The following CSTF3 variants were observed in gnomAD, a reference collection of about 807,000 sequenced individuals.
CSTF3 encodes CF-1 77 kDa subunit.
Under a neutral mutation model 105.8 loss-of-function variants are expected in CSTF3, and 29 were observed. The observed-to-expected ratio is 0.27, with a 90% CI of 0.20 to 0.37. CSTF3 has a LOEUF of 0.37. Ranked by LOEUF, CSTF3 falls within the 10% of genes least tolerant of loss-of-function variation. The pLI, the probability that CSTF3 is intolerant of heterozygous loss-of-function variation, is 1.00. For synonymous variants in CSTF3, 252 were observed against 281.9 expected, an observed-to-expected ratio of 0.89 and a Z score of 1.06; for missense variants, 357 against 879.3, an observed-to-expected ratio of 0.41 and a Z score of 7.51.
chr11:33,160,596 CAA>C (rs747821438), intron 1 of CSTF3, among the ~76,000 whole-genome samples: 1 of 152,108 alleles, frequency 6.6e-6, no homozygotes. Context: ...GCAAAAGAAA[CAA>C]ATCACACTGA....
chr11:33,096,466 GA>G, intron 14 of CSTF3, 58 bp from the exon 15 acceptor site: 1 of 1,050,874 alleles, frequency 9.5e-7, no homozygotes, highest in Non-Finnish European at 1.4e-6. Flanking sequence ...AAAAACACTT[GA>G]AAGAATATTA....
At chr11:33,122,095 A>C (rs1855495256) in intron 3 of CSTF3, among the ~76,000 whole-genome samples, 2 of 152,226 alleles carry the variant, frequency 1.3e-5, no homozygotes, top group Admixed American at 1.3e-4. Flanking sequence ...AACAAGATAT[A>C]AAATAATCTA....
At chr11:33,139,230 A>C (rs1033080229) in intron 3 of CSTF3, among the ~76,000 whole-genome samples, 71 of 151,966 alleles carry the variant, frequency 4.7e-4, no homozygotes, top group Non-Finnish European at 2.4e-4. Flanking sequence ...TCCGTTACTA[A>C]AGATGTATGT....
At chr11:33,127,078 CAAA>C (rs1302248678) in intron 3 of CSTF3, among the ~76,000 whole-genome samples, 1 of 152,098 alleles carries the variant, frequency 6.6e-6, no homozygotes, top group Non-Finnish European at 1.5e-5. Context: ...CTAATGTAGA[CAAA>C]AGCCCTAAGG....
intron 14 of CSTF3, 42 bp from the exon 15 acceptor site, chr11:33,096,450 C>T (rs757592003): frequency 8.0e-7 from 1 of 1,257,562 alleles, no homozygotes; most frequent in South Asian, 1.3e-5. Flanking sequence ...CATGAAATGT[C>T]AGATAAAAAA....
chr11:33,108,186 G>A (rs1855344906), intron 4 of CSTF3, among the ~76,000 whole-genome samples, 186 bp from the exon 5 acceptor site: 2 of 152,040 alleles, frequency 1.3e-5, no homozygotes, highest in Non-Finnish European at 2.9e-5. Flanking sequence ...TGTCAGGGGA[G>A]TATAATTATT....
intron 10 of CSTF3, among the ~76,000 whole-genome samples, chr11:33,100,527 T>C (rs747127243): frequency 1.3e-5 from 2 of 152,064 alleles, no homozygotes; most frequent in Non-Finnish European, 2.9e-5. Flanking sequence ...ACCAACTATA[T>C]GCCAGGGAAT....
rs1220976817 is a variant in CSTF3, at chr11:33,084,937, G to C, written c.*150C>G. ...TTCTAAAATTCACACAGGTTGGTTTGTTTTTTCTCAAGAACCATGTGATAG... is the reference window on the plus strand; with the variant it reads ...TTCTAAAATTCACACAGGTTGGTTTCTTTTTTCTCAAGAACCATGTGATAG... On this transcript the variant is annotated 3_prime_UTR_variant, in exon 21 of 21. Transcript: ENST00000323959. The C allele has an allele frequency of 2.0e-5, 17 of 845,554 alleles. No homozygotes were observed. Among genetic ancestry groups the C allele is most frequent in the Non-Finnish European group, 3.2e-5 (17 of 533,150 alleles). The allele number at this position is 845,554 out of a possible 1,614,324, so 52.4% of individuals were successfully genotyped here.
rs138547267 is a variant in CSTF3, at chr11:33,105,024, C to T, written c.585+543G>A. Among the ~76,000 whole-genome samples, 77 of 152,334 alleles carry T rather than the reference C, an allele frequency of 5.1e-4. No individual in the cohort carries two copies. The South Asian group carries it at 8.1e-3, about 16-fold the overall frequency. On this transcript the variant is annotated intron_variant, in intron 8 of 20. Coordinates refer to ENST00000323959, the MANE Select transcript of CSTF3 (RefSeq NM_001326.3). ...TCGGCCTCCCAAAGTGCTGGGATTA[C>T]AAGTGTAAGCCACCATGCCCAGCCA...
intron 19 of CSTF3, 41 bp from the exon 20 acceptor site, chr11:33,085,814 CAAGTTA>C (rs764273677): frequency 6.3e-7 from 1 of 1,598,286 alleles, no homozygotes; most frequent in Non-Finnish European, 8.6e-7. Context: ...AGTAATCTGA[CAAGTTA>C]AAGTAGTAGT....
chr11:33,096,765 A>G, intron 14 of CSTF3, 70 bp downstream of exon 14: 1 of 1,444,306 alleles, frequency 6.9e-7, no homozygotes, highest in Non-Finnish European at 9.4e-7. Flanking sequence ...AGAAGCTAAA[A>G]TCACCTTTCT....
At chr11:33,121,474 T>C (rs1272166265) in intron 3 of CSTF3, among the ~76,000 whole-genome samples, 1 of 152,196 alleles carries the variant, frequency 6.6e-6, no homozygotes, top group African/African-American at 2.4e-5. Context: ...TTCTCTGGAA[T>C]CTTATTTTAT....
In CSTF3 at chr11:33,105,613, ATCGGATTAACACAACCTCGTTGATAAAC is replaced by A; in HGVS notation, c.511_538del (p.Val171Ter). On this transcript the variant is annotated frameshift_variant, in exon 8 of 21. Transcript: ENST00000323959. LOFTEE classifies it high-confidence loss of function. ...TCTCCAGAGCTGTTCAATGTTGATC[ATCGGATTAACACAACCTCGTTGATAAAC>A]TCTTCGGACAGCTGTTATTCTTTGA... The A allele has an allele frequency of 6.2e-7, 1 of 1,613,116 alleles. No homozygotes were observed. Among genetic ancestry groups the A allele is most frequent in the Non-Finnish European group, 8.5e-7 (1 of 1,179,154 alleles).
intron 8 of CSTF3, among the ~76,000 whole-genome samples, chr11:33,105,364 A>G (rs186456111): frequency 8.9e-4 from 136 of 152,358 alleles, no homozygotes; most frequent in African/African-American, 3.1e-3. Context: ...TAGTTTTATA[A>G]GAACTATTGT....
chr11:33,140,713 G>C (rs1228600056), intron 3 of CSTF3, among the ~76,000 whole-genome samples: 1 of 152,066 alleles, frequency 6.6e-6, no homozygotes, highest in Non-Finnish European at 1.5e-5. Flanking sequence ...AAAATGTTAT[G>C]TTGAGGCTGC....
intron 13 of CSTF3, among the ~76,000 whole-genome samples, chr11:33,097,553 G>A (rs900033472): frequency 1.3e-5 from 2 of 152,112 alleles, no homozygotes; most frequent in African/African-American, 4.8e-5. Context: ...TTTTTTAGTA[G>A]AGATGGGGTT....
chr11:33,141,632 T>A, intron 3 of CSTF3, 35 bp downstream of exon 3: 1 of 1,586,932 alleles, frequency 6.3e-7, no homozygotes, highest in Non-Finnish European at 8.6e-7. Context: ...AATGCTGCAA[T>A]ACTGATATAA....
intron 19 of CSTF3, 34 bp from the exon 20 acceptor site, chr11:33,085,807 A>C (rs771801027): frequency 3.1e-6 from 5 of 1,603,276 alleles, no homozygotes; most frequent in Non-Finnish European, 4.3e-6. Flanking sequence ...TAATCCCAGT[A>C]ATCTGACAAG....
chr11:33,087,657 A>G (rs1855119906), intron 17 of CSTF3, among the ~76,000 whole-genome samples: 1 of 152,262 alleles, frequency 6.6e-6, no homozygotes, highest in African/African-American at 2.4e-5. Context: ...AGGAATATTT[A>G]CTGAGCAGAC....
Sources: allele counts gnomAD v4.1 joint callset (sites outside exome capture counted in the v4.1 genomes callset), GRCh38; gene constraint gnomAD v4.1.1; transcripts MANE v1.5; gene names NCBI Gene and HGNC (gene_info 2026-07-23, HGNC 2026-07-21).